The following MSRA variants were observed in gnomAD, a reference collection of about 807,000 sequenced individuals.
MSRA encodes the protein methionine sulfoxide reductase A.
A neutral mutation model predicts 31.3 loss-of-function variants in MSRA; 54 were observed. The ratio of observed to expected loss-of-function variants is 1.73; its 90% CI spans 1.39 to 2.17. MSRA has a LOEUF of 2.17. Among genes scored for constraint, MSRA ranks in the 30% most tolerant of loss-of-function variants. MSRA has a pLI of 0.00. For missense variants in MSRA, 507 were observed against 300.9 expected (o/e 1.69, Z -5.07); for synonymous variants, 169 against 116.5 (o/e 1.45, Z -2.90).
intron 1 of MSRA, among the ~76,000 whole-genome samples, chr8:10,095,261 G>C (rs533621330): frequency 6.6e-6 from 1 of 152,290 alleles, no homozygotes; most frequent in South Asian, 2.1e-4. Context: ...GACATTTCTA[G>C]GGAACAGATT....
intron 3 of MSRA, among the ~76,000 whole-genome samples, chr8:10,284,355 A>AT (rs796860821): frequency 2.3e-4 from 34 of 150,802 alleles, no homozygotes; most frequent in South Asian, 4.2e-4. Flanking sequence ...CACCCGGCTA[A>AT]TTTTTTTTTG....
intron 5 of MSRA, among the ~76,000 whole-genome samples, chr8:10,339,149 C>G (rs1264492813): frequency 6.6e-6 from 1 of 152,122 alleles, no homozygotes; most frequent in Non-Finnish European, 1.5e-5. Flanking sequence ...CTCTCTGGTC[C>G]CTGCCTTTCC....
intron 5 of MSRA, among the ~76,000 whole-genome samples, chr8:10,363,945 A>G (rs1393167696): frequency 6.6e-6 from 1 of 152,040 alleles, no homozygotes; most frequent in African/African-American, 2.4e-5. Flanking sequence ...AAACAACAAA[A>G]CAAAAAACAA....
intron 3 of MSRA, among the ~76,000 whole-genome samples, chr8:10,286,299 G>A (rs1799934154): frequency 6.6e-6 from 1 of 152,140 alleles, no homozygotes; most frequent in Non-Finnish European, 1.5e-5. Context: ...GGGACCTGGT[G>A]GGAGGTAATT....
At chr8:10,412,106 A>AT (rs1808192788) in intron 5 of MSRA, among the ~76,000 whole-genome samples, 1 of 152,172 alleles carries the variant, frequency 6.6e-6, no homozygotes, top group Non-Finnish European at 1.5e-5. Context: ...CCGTATTAAC[A>AT]TTTTTTTCGC....
chr8:10,193,328 C>G (rs1314335844), intron 1 of MSRA, among the ~76,000 whole-genome samples: 2 of 152,222 alleles, frequency 1.3e-5, no homozygotes, highest in African/African-American at 2.4e-5. Context: ...GAGAGAGACA[C>G]TGCGCAGGCT....
intron 4 of MSRA, among the ~76,000 whole-genome samples, chr8:10,314,061 G>C (rs1308516380): frequency 1.3e-5 from 2 of 152,116 alleles, no homozygotes; most frequent in Admixed American, 6.5e-5. Context: ...ATTTCAAGTA[G>C]ATAATTTTCA....
chr8:10,299,085 A>G (rs1013658876), intron 3 of MSRA, among the ~76,000 whole-genome samples: 1 of 152,160 alleles, frequency 6.6e-6, no homozygotes, highest in African/African-American at 2.4e-5. Context: ...ATTAAATATG[A>G]TAAGAGATAA....
chr8:10,203,796 G>C (rs1170939452), intron 1 of MSRA, among the ~76,000 whole-genome samples: 3 of 152,190 alleles, frequency 2.0e-5, no homozygotes, highest in African/African-American at 7.2e-5. Context: ...AGGAGACATT[G>C]TTACCATAGG....
At chr8:10,388,495 G>C (rs1806531910) in intron 5 of MSRA, among the ~76,000 whole-genome samples, 2 of 152,134 alleles carry the variant, frequency 1.3e-5, no homozygotes, top group Non-Finnish European at 2.9e-5. Context: ...TGCCAAAGAG[G>C]CATATTTCAG....
rs1403287801 is a variant in MSRA, at chr8:10,187,034, T to C, written c.143-20799T>C. Among the ~76,000 whole-genome samples, 13 of 152,226 alleles carry C rather than the reference T, an allele frequency of 8.5e-5. No homozygotes were observed. The East Asian group carries it at 1.5e-3, about 18-fold the overall frequency. On this transcript the variant is annotated intron_variant, in intron 1 of 5. Coordinates refer to ENST00000317173, the MANE Select transcript of MSRA (RefSeq NM_012331.5). ...CAATTTCATGAAGTGTTTCTTTCAA[T>C]TGGGACTTACTTTGAGCTTAACTGG... is the stretch of plus-strand genomic sequence containing the variant.
intron 1 of MSRA, among the ~76,000 whole-genome samples, chr8:10,135,957 T>A (rs1484339974): frequency 1.3e-5 from 2 of 152,204 alleles, no homozygotes. Flanking sequence ...CCTTGGGGGC[T>A]GCGTGTTGCA....
intron 1 of MSRA, among the ~76,000 whole-genome samples, chr8:10,163,172 G>A (rs1212888275): frequency 6.6e-6 from 1 of 152,158 alleles, no homozygotes; most frequent in African/African-American, 2.4e-5. Flanking sequence ...CTGGCACCTT[G>A]ATCTTGGACT....
intron 1 of MSRA, among the ~76,000 whole-genome samples, chr8:10,169,113 T>A (rs1245078925): frequency 6.6e-6 from 1 of 152,192 alleles, no homozygotes; most frequent in Non-Finnish European, 1.5e-5. Flanking sequence ...GGCACAGTTA[T>A]GAAAACCTTC....
At chr8:10,287,862 T>C (rs936810765) in intron 3 of MSRA, among the ~76,000 whole-genome samples, 1 of 152,130 alleles carries the variant, frequency 6.6e-6, no homozygotes, top group African/African-American at 2.4e-5. Context: ...GCTGTGTCAC[T>C]GAACTCTGAG....
chr8:10,378,188 G>C (rs902047334), intron 5 of MSRA, among the ~76,000 whole-genome samples: 1 of 152,210 alleles, frequency 6.6e-6, no homozygotes, highest in African/African-American at 2.4e-5. Flanking sequence ...CAGGCTGGCT[G>C]TGTGGCTTCT....
At chr8:10,072,872 T>C (rs897715272) in intron 1 of MSRA, among the ~76,000 whole-genome samples, 1 of 152,220 alleles carries the variant, frequency 6.6e-6, no homozygotes, top group African/African-American at 2.4e-5. Flanking sequence ...TTGTAAATGA[T>C]ATGGTATCTT....
At chr8:10,315,698 T>C (rs1354367721) in intron 4 of MSRA, among the ~76,000 whole-genome samples, 1 of 152,222 alleles carries the variant, frequency 6.6e-6, no homozygotes, top group Admixed American at 6.5e-5. Flanking sequence ...TCTCATATAG[T>C]GGGGCACTTT....
intron 1 of MSRA, among the ~76,000 whole-genome samples, chr8:10,069,847 G>T (rs1310844610): frequency 6.6e-6 from 1 of 152,186 alleles, no homozygotes; most frequent in Non-Finnish European, 1.5e-5. Flanking sequence ...AGTCTGCTGA[G>T]AGTTAATATG....
Sources: gnomAD v4.1 joint callset for allele counts (sites outside exome capture counted in the v4.1 genomes callset) on GRCh38, gnomAD v4.1.1 for gene constraint, MANE v1.5 for transcripts, NCBI Gene and HGNC (gene_info 2026-07-23, HGNC 2026-07-21) for gene names.